HDAC9: variants seen among roughly 807,000 people sequenced by gnomAD.
HDAC9 encodes MEF-2 interacting transcription repressor (MITR) protein.
A neutral mutation model predicts 139.4 loss-of-function variants in HDAC9; 41 were observed. The observed-to-expected ratio is 0.29, with a 90% confidence interval of 0.23 to 0.38. HDAC9 has a LOEUF of 0.38. Ranked by LOEUF, HDAC9 falls within the 10% of genes least tolerant of loss-of-function variation. The pLI is 1.00. For synonymous variants in HDAC9, 517 were observed against 476.2 expected (o/e 1.09, Z -1.12); for missense variants, 1,147 against 1,297.0 (o/e 0.88, Z 1.78).
At chr7:18,535,362 A>C (rs1810522469) in intron 2 of HDAC9, among the ~76,000 whole-genome samples, 1 of 152,030 alleles carries the variant, frequency 6.6e-6, no homozygotes, top group African/African-American at 2.4e-5. Context: ...ATTATTTATA[A>C]TATGAAATAT....
At chr7:18,107,314 C>G (rs1783286096) in intron 1 of HDAC9, among the ~76,000 whole-genome samples, 5 of 152,138 alleles carry the variant, frequency 3.3e-5, no homozygotes, top group South Asian at 2.1e-4. Flanking sequence ...ATCTTTACAA[C>G]TAAATTCCAG....
At chr7:18,825,993 T>A (rs1795402564) in intron 17 of HDAC9, among the ~76,000 whole-genome samples, 1 of 151,690 alleles carries the variant, frequency 6.6e-6, no homozygotes, top group Non-Finnish European at 1.5e-5. Context: ...ATTATACAAA[T>A]GTAACATGTT....
intron 23 of HDAC9, among the ~76,000 whole-genome samples, chr7:18,945,678 A>G (rs1043501701): frequency 6.6e-6 from 1 of 152,162 alleles, no homozygotes; most frequent in African/African-American, 2.4e-5. Flanking sequence ...TATATGGCAT[A>G]ATATAGAGGT....
intron 1 of HDAC9, among the ~76,000 whole-genome samples, chr7:18,328,836 G>T (rs950760763): frequency 2.6e-5 from 4 of 151,870 alleles, no homozygotes; most frequent in African/African-American, 9.7e-5. Context: ...TAGTTTGGAA[G>T]TATTTCCTCC....
rs569105399 is a variant in HDAC9, at chr7:18,202,348, C to T, written c.25+39999C>T. On this transcript the variant is annotated intron_variant, in intron 2 of 12. Transcript: ENST00000417496. ...CTTTCAAGATACTTACTTATGAGAG[C>T]CCAGATAATATTTAAGTTTTCTTCA... 3.9e-5 allele frequency among the ~76,000 whole-genome samples: 6 copies of T among 152,170 alleles called. No homozygotes were observed. In the South Asian group the frequency reaches 1.0e-3, roughly 26 times the overall value.
At chr7:18,241,442 G>A (rs1257678175) in intron 2 of HDAC9, among the ~76,000 whole-genome samples, 1 of 152,076 alleles carries the variant, frequency 6.6e-6, no homozygotes, top group East Asian at 1.9e-4. Flanking sequence ...CCTGCCCTGT[G>A]GCTGCTCAGA....
chr7:18,366,024 A>G (rs115592032), intron 1 of HDAC9, among the ~76,000 whole-genome samples: 5,360 of 151,908 alleles, frequency 0.035, 323 homozygotes, highest in African/African-American at 0.12. Flanking sequence ...ACCAGGAATC[A>G]TAGATTATGG....
At chr7:18,733,410 A>T (rs1039388059) in intron 13 of HDAC9, among the ~76,000 whole-genome samples, 1 of 150,786 alleles carries the variant, frequency 6.6e-6, no homozygotes, top group Non-Finnish European at 1.5e-5. Context: ...TAGAATAGAG[A>T]GACTAATTTT....
At chr7:18,537,214 T>A (rs1286771136) in intron 2 of HDAC9, among the ~76,000 whole-genome samples, 1 of 152,160 alleles carries the variant, frequency 6.6e-6, no homozygotes, top group Non-Finnish European at 1.5e-5. Flanking sequence ...GGACTAAATT[T>A]TGGGACAGGT....
At chr7:18,452,338 C>T (rs952919916) in intron 1 of HDAC9, among the ~76,000 whole-genome samples, 4 of 152,042 alleles carry the variant, frequency 2.6e-5, no homozygotes, top group African/African-American at 7.3e-5. Context: ...AACACATACG[C>T]GTATGACACT....
intron 2 of HDAC9, among the ~76,000 whole-genome samples, chr7:18,227,549 A>T (rs1029569369): frequency 6.6e-6 from 1 of 152,092 alleles, no homozygotes; most frequent in Admixed American, 6.6e-5. Context: ...ATTTCAAAAG[A>T]TAATAATTTG....
chr7:18,402,220 G>T (rs1187576317), intron 1 of HDAC9, among the ~76,000 whole-genome samples: 1 of 152,088 alleles, frequency 6.6e-6, no homozygotes, highest in African/African-American at 2.4e-5. Context: ...AGTAGGACGG[G>T]TTAACAGATA....
intron 25 of HDAC9, among the ~76,000 whole-genome samples, chr7:18,981,616 C>T (rs946533192): frequency 6.6e-6 from 1 of 152,144 alleles, no homozygotes; most frequent in African/African-American, 2.4e-5. Flanking sequence ...ATCTTTAAAG[C>T]CAGCAACTTC....
intron 1 of HDAC9, among the ~76,000 whole-genome samples, chr7:18,446,615 C>T (rs1461802004): frequency 1.3e-5 from 2 of 152,124 alleles, no homozygotes; most frequent in African/African-American, 4.8e-5. Context: ...CCTCTATGTC[C>T]ACATCCTCAG....
intron 1 of HDAC9, among the ~76,000 whole-genome samples, chr7:18,326,879 G>A (rs1450115900): frequency 6.6e-6 from 1 of 151,834 alleles, no homozygotes; most frequent in Non-Finnish European, 1.5e-5. Flanking sequence ...GTCTATTGAT[G>A]GGTTAAGTCC....
chr7:18,973,225 C>G (rs1340754954), intron 24 of HDAC9, among the ~76,000 whole-genome samples: 2 of 152,124 alleles, frequency 1.3e-5, no homozygotes. Flanking sequence ...CTCAATAATG[C>G]TAGTTTGTCT....
chr7:18,306,402 A>G (rs1385309270), intron 1 of HDAC9, among the ~76,000 whole-genome samples: 1 of 152,220 alleles, frequency 6.6e-6, no homozygotes, highest in Non-Finnish European at 1.5e-5. Flanking sequence ...TGTTGATAGC[A>G]TCTGCTATGA....
intron 2 of HDAC9, among the ~76,000 whole-genome samples, chr7:18,284,386 AC>A (rs1797302307): frequency 6.6e-6 from 1 of 152,138 alleles, no homozygotes; most frequent in African/African-American, 2.4e-5. Context: ...CTGTGTCCTG[AC>A]TTTTGGTTGA....
intron 6 of HDAC9, among the ~76,000 whole-genome samples, chr7:18,612,926 A>G (rs547569362): frequency 6.6e-6 from 1 of 151,948 alleles, no homozygotes; most frequent in East Asian, 1.9e-4. Context: ...AGGTATGTTA[A>G]AATTTGAAAC....
Sources: allele counts gnomAD v4.1 joint callset (sites outside exome capture counted in the v4.1 genomes callset), GRCh38; gene constraint gnomAD v4.1.1; transcripts MANE v1.5; gene names NCBI Gene and HGNC (gene_info 2026-07-23, HGNC 2026-07-21).